The following COL14A1 variants were observed in gnomAD, a reference collection of about 807,000 sequenced individuals.
COL14A1 encodes the protein collagen alpha-1(XIV) chain.
A neutral mutation model predicts 230.3 loss-of-function variants in COL14A1; 136 were observed. The ratio of observed to expected loss-of-function variants is 0.59; its 90% CI spans 0.51 to 0.68. The LOEUF is 0.68. COL14A1 is among the 30% of genes least tolerant of loss of function. The probability of loss-of-function intolerance (pLI) is 0.00; values close to 1 mark genes in which losing one functional copy is unlikely to be tolerated. For synonymous variants in COL14A1, 792 were observed against 784.1 expected (o/e 1.01, Z -0.17); for missense variants, 1,976 against 2,215.8 (o/e 0.89, Z 2.17).
intron 17 of COL14A1, 91 bp downstream of exon 17, chr8:120,227,443 G>C (rs531346750): frequency 2.2e-5 from 33 of 1,470,624 alleles, no homozygotes; most frequent in Non-Finnish European, 2.5e-5. Context: ...TTTATCTTTG[G>C]CTATGTAAGC....
chr8:120,157,006 A>ACTTTT (rs1160938461), intron 2 of COL14A1, among the ~76,000 whole-genome samples: 1 of 152,192 alleles, frequency 6.6e-6, no homozygotes, highest in Non-Finnish European at 1.5e-5. Context: ...TGAAGTATTA[A>ACTTTT]CTTTTCTTTT....
intron 34 of COL14A1, among the ~76,000 whole-genome samples, chr8:120,292,179 G>A (rs1820395408): frequency 6.6e-6 from 1 of 151,894 alleles, no homozygotes; most frequent in Non-Finnish European, 1.5e-5. Context: ...TAATAATTAT[G>A]CTCCAAAGAT....
intron 31 of COL14A1, among the ~76,000 whole-genome samples, 163 bp downstream of exon 31, chr8:120,281,222 C>T (rs1180860217): frequency 1.3e-5 from 2 of 151,366 alleles, no homozygotes; most frequent in Non-Finnish European, 1.5e-5. Context: ...ACCAGACTCA[C>T]ACATAATGCG....
At chr8:120,177,335 A>G (rs1288280602) in intron 5 of COL14A1, among the ~76,000 whole-genome samples, 1 of 152,180 alleles carries the variant, frequency 6.6e-6, no homozygotes, top group Non-Finnish European at 1.5e-5. Flanking sequence ...AACTTTAATT[A>G]TGGAATCATT....
chr8:120,331,107 CAAAA>C (rs35915187), intron 40 of COL14A1, among the ~76,000 whole-genome samples: 464 of 61,346 alleles, frequency 7.6e-3, no homozygotes, highest in African/African-American at 0.022. Flanking sequence ...CTCTGTCTCA[CAAAA>C]AAAAAAAAAA....
chr8:120,281,153 A>G, intron 31 of COL14A1, 94 bp downstream of exon 31: 14 of 1,159,664 alleles, frequency 1.2e-5, no homozygotes, highest in Non-Finnish European at 1.7e-5. Context: ...TAATAGTCCC[A>G]GGTAGGATTT....
intron 5 of COL14A1, among the ~76,000 whole-genome samples, chr8:120,171,278 G>A (rs1816086373): frequency 6.6e-6 from 1 of 151,848 alleles, no homozygotes; most frequent in South Asian, 2.1e-4. Context: ...CTTATTTTTT[G>A]CCTCACAAAT....
chr8:120,364,798 G>A (rs371544814), intron 45 of COL14A1, among the ~76,000 whole-genome samples: 1 of 150,984 alleles, frequency 6.6e-6, no homozygotes, highest in Admixed American at 6.6e-5. Context: ...CAGGAGAATC[G>A]CCTGAACCCA....
intron 20 of COL14A1, among the ~76,000 whole-genome samples, chr8:120,246,737 T>A (rs1011998051): frequency 4.6e-5 from 7 of 152,188 alleles, no homozygotes; most frequent in Non-Finnish European, 5.9e-5. Flanking sequence ...CCAACACAAC[T>A]ACGTTTTATC....
chr8:120,346,964 A>G (rs552920891), intron 45 of COL14A1, among the ~76,000 whole-genome samples: 3 of 152,262 alleles, frequency 2.0e-5, no homozygotes, highest in Admixed American at 1.3e-4. Context: ...AAATCAGCAG[A>G]TATAGAAAAT....
At position 120,274,578 on chromosome 8, in the gene COL14A1, T is replaced by G. The variant is rs983973475; in HGVS notation, c.3214-3533T>G. 2.6e-5 allele frequency among the ~76,000 whole-genome samples: 4 copies of G among 151,780 alleles called. No individual in the cohort carries two copies. In the South Asian group the frequency reaches 8.3e-4, roughly 31 times the overall value. On this transcript the variant is annotated intron_variant, in intron 26 of 47. Transcript: ENST00000297848. ...GATATGATCATATACCTAGAGAACT[T>G]AAAGACTTCTCCAAAAGACTCCTAG... is the stretch of plus-strand genomic sequence containing the variant.
At chr8:120,227,143 C>T (rs573483459) in intron 16 of COL14A1, 77 bp from the exon 17 acceptor site, 1 of 1,516,826 alleles carries the variant, frequency 6.6e-7, no homozygotes, top group South Asian at 1.3e-5. Context: ...TTGTTTCTTG[C>T]TTATGCTCAG....
At chr8:120,136,989 G>C (rs1814736219) in intron 1 of COL14A1, among the ~76,000 whole-genome samples, 1 of 133,718 alleles carries the variant, frequency 7.5e-6, no homozygotes, top group African/African-American at 2.8e-5. Flanking sequence ...AAAAAAAAAG[G>C]TTATGCTAGC....
chr8:120,296,407 C>A (rs1014982244), intron 34 of COL14A1, among the ~76,000 whole-genome samples: 9 of 151,862 alleles, frequency 5.9e-5, no homozygotes, highest in Admixed American at 3.9e-4. Context: ...TGTGATAGTG[C>A]ATGCATTTTT....
At chr8:120,127,995 A>G (rs1415141405) in intron 1 of COL14A1, among the ~76,000 whole-genome samples, 2 of 152,212 alleles carry the variant, frequency 1.3e-5, no homozygotes, top group Non-Finnish European at 2.9e-5. Flanking sequence ...CAGGGAACTG[A>G]CAGTAGAGTG....
At chr8:120,289,119 G>A (rs551287638) in intron 33 of COL14A1, among the ~76,000 whole-genome samples, 2 of 152,246 alleles carry the variant, frequency 1.3e-5, no homozygotes, top group South Asian at 2.1e-4. Context: ...TCACCAGAAA[G>A]CATTCCTTCT....
At chr8:120,170,605 C>G (rs1465740946) in intron 5 of COL14A1, among the ~76,000 whole-genome samples, 2 of 151,992 alleles carry the variant, frequency 1.3e-5, no homozygotes, top group Non-Finnish European at 2.9e-5. Context: ...GAAAAATGTG[C>G]ATTTTAATTT....
At chr8:120,133,365 A>T (rs932994648) in intron 1 of COL14A1, among the ~76,000 whole-genome samples, 1 of 152,164 alleles carries the variant, frequency 6.6e-6, no homozygotes, top group Non-Finnish European at 1.5e-5. Context: ...AAAGCTACAG[A>T]TTAATTTCAC....
chr8:120,167,171 G>A (rs1055723878), intron 4 of COL14A1, among the ~76,000 whole-genome samples: 12 of 152,048 alleles, frequency 7.9e-5, no homozygotes, highest in Non-Finnish European at 1.8e-4. Context: ...CTTGGCAAAT[G>A]ACAGATCTCA....
Sources: gnomAD v4.1 joint callset for allele counts (sites outside exome capture counted in the v4.1 genomes callset) on GRCh38, gnomAD v4.1.1 for gene constraint, MANE v1.5 for transcripts, NCBI Gene and HGNC (gene_info 2026-07-23, HGNC 2026-07-21) for gene names.